The following WWTR1 variants were observed in gnomAD, a reference collection of about 807,000 sequenced individuals.
WWTR1 encodes the protein WW domain containing transcription regulator 1.
Under a neutral mutation model 40.1 loss-of-function variants are expected in WWTR1, and 13 were observed. That is an observed-to-expected ratio of 0.32 (90% CI 0.21 to 0.52). The LOEUF (loss-of-function observed/expected upper bound fraction) is 0.52, where lower values mean the gene tolerates loss of function less well. Among genes scored for constraint, WWTR1 ranks in the 20% least tolerant of loss-of-function variants. The pLI, the probability that WWTR1 is intolerant of heterozygous loss-of-function variation, is 0.97. For synonymous variants in WWTR1, 230 were observed against 210.1 expected (o/e 1.09, Z -0.82); for missense variants, 436 against 523.1 (o/e 0.83, Z 1.63).
intron 3 of WWTR1, among the ~76,000 whole-genome samples, chr3:149,556,203 C>G (rs767859006): frequency 3.9e-5 from 6 of 152,158 alleles, no homozygotes; most frequent in Non-Finnish European, 7.3e-5. Flanking sequence ...TGGGAAACTG[C>G]CAGATTATTT....
rs992218041 is a variant in WWTR1, at chr3:149,529,801, C to A, written c.772-1832G>T. On this transcript the variant is annotated intron_variant, in intron 4 of 6. Coordinates refer to ENST00000360632, the MANE Select transcript of WWTR1 (RefSeq NM_015472.6). ...CCCATCCCTCAAGCACACTCATACACCCTGAGCCACAGTTTGAAAAAATGT... is the reference window on the plus strand; with the variant it reads ...CCCATCCCTCAAGCACACTCATACAACCTGAGCCACAGTTTGAAAAAATGT... 5.9e-5 allele frequency among the ~76,000 whole-genome samples: 9 copies of A among 152,246 alleles called. 1 individual carries two copies. Among genetic ancestry groups the A allele is most frequent in the Admixed American group, 5.2e-4 (8 of 15,302 alleles).
At chr3:149,569,275 A>C (rs1737511808) in intron 3 of WWTR1, among the ~76,000 whole-genome samples, 1 of 152,248 alleles carries the variant, frequency 6.6e-6, no homozygotes, top group Non-Finnish European at 1.5e-5. Context: ...TTGTCTTAAA[A>C]TATAACATGC....
chr3:149,663,125 C>T (rs1429659094), intron 2 of WWTR1, among the ~76,000 whole-genome samples: 10 of 152,026 alleles, frequency 6.6e-5, no homozygotes, highest in Admixed American at 1.3e-4. Flanking sequence ...ATCCGCCTCC[C>T]GGGTTCAAGC....
upstream of WWTR1, chr3:149,659,331 A>ATTTTTTTTTTTTTTTTTTT (rs71138403): frequency 7.0e-4 from 74 of 106,448 alleles, 5 homozygotes; most frequent in African/African-American, 2.7e-3. Context: ...TTGTGCCTTA[A>ATTTTTTTTTTTTTTTTTTT]TTTTTTTTTT....
chr3:149,626,132 T>C (rs1740534456), intron 2 of WWTR1, among the ~76,000 whole-genome samples: 1 of 152,172 alleles, frequency 6.6e-6, no homozygotes, highest in African/African-American at 2.4e-5. Flanking sequence ...ACAGATGGCT[T>C]TCTGAATCAA....
intron 4 of WWTR1, chr3:149,723,982 G>A (rs1295019997): frequency 6.6e-6 from 1 of 152,192 alleles, no homozygotes; most frequent in Non-Finnish European, 1.5e-5. Context: ...AGCTGCTACT[G>A]TGATTACAGC....
intron 4 of WWTR1, among the ~76,000 whole-genome samples, chr3:149,533,068 T>C (rs1344964534): frequency 6.6e-6 from 1 of 152,182 alleles, no homozygotes; most frequent in Non-Finnish European, 1.5e-5. Flanking sequence ...GGCTTGTCAC[T>C]CATTTCCCAC....
chr3:149,712,032 T>C (rs575637943), intron 5 of WWTR1, among the ~76,000 whole-genome samples: 2 of 152,374 alleles, frequency 1.3e-5, no homozygotes, highest in South Asian at 2.1e-4. Flanking sequence ...GTTTCTGACA[T>C]GTAGTAAGGA....
intron 2 of WWTR1, among the ~76,000 whole-genome samples, chr3:149,600,190 C>A (rs1739181895): frequency 6.6e-6 from 1 of 152,020 alleles, no homozygotes; most frequent in Non-Finnish European, 1.5e-5. Context: ...TTCCGGACAC[C>A]AAGGGACAAC....
chr3:149,583,902 A>G (rs994113975), intron 2 of WWTR1, among the ~76,000 whole-genome samples: 2 of 152,142 alleles, frequency 1.3e-5, no homozygotes, highest in African/African-American at 4.8e-5. Context: ...AGAGCCTGAC[A>G]CTCTGTCTCA....
At chr3:149,615,104 C>G (rs1359638172) in intron 2 of WWTR1, among the ~76,000 whole-genome samples, 1 of 152,152 alleles carries the variant, frequency 6.6e-6, no homozygotes, top group Non-Finnish European at 1.5e-5. Flanking sequence ...CACCTAAGTG[C>G]TAATCTATGT....
chr3:149,621,982 C>T (rs927158472), intron 2 of WWTR1, among the ~76,000 whole-genome samples: 1 of 152,222 alleles, frequency 6.6e-6, no homozygotes, highest in African/African-American at 2.4e-5. Flanking sequence ...CTCACTCACT[C>T]ACCTTTATCT....
intron 3 of WWTR1, among the ~76,000 whole-genome samples, chr3:149,553,346 G>A (rs897184980): frequency 6.6e-6 from 1 of 152,110 alleles, no homozygotes; most frequent in East Asian, 1.9e-4. Context: ...TGGTGATGAG[G>A]CCAAGTAGTG....
At chr3:149,603,874 A>AG (rs1739370637) in intron 2 of WWTR1, among the ~76,000 whole-genome samples, 1 of 149,674 alleles carries the variant, frequency 6.7e-6, no homozygotes, top group Non-Finnish European at 1.5e-5. Context: ...AAAAAAAAAA[A>AG]GCATGTGAAG....
At chr3:149,608,538 A>G (rs934154096) in intron 2 of WWTR1, among the ~76,000 whole-genome samples, 1 of 151,984 alleles carries the variant, frequency 6.6e-6, no homozygotes. Flanking sequence ...GGCATGTGCC[A>G]CCACGCCTGG....
intron 2 of WWTR1, among the ~76,000 whole-genome samples, chr3:149,639,649 A>C (rs915974517): frequency 3.9e-5 from 6 of 152,130 alleles, no homozygotes; most frequent in Non-Finnish European, 7.4e-5. Context: ...TTATCCCATT[A>C]TCTTCCCCAC....
At chr3:149,616,977 G>A (rs1740003935) in intron 2 of WWTR1, among the ~76,000 whole-genome samples, 1 of 152,134 alleles carries the variant, frequency 6.6e-6, no homozygotes, top group South Asian at 2.1e-4. Flanking sequence ...AGTCTAATAA[G>A]GGGGTTAGTT....
At chr3:149,531,271 G>A (rs1361101806) in intron 4 of WWTR1, among the ~76,000 whole-genome samples, 2 of 152,194 alleles carry the variant, frequency 1.3e-5, no homozygotes, top group Non-Finnish European at 2.9e-5. Context: ...AGGCCAGTCT[G>A]AGTTAGAAAG....
Position 149,520,900 on chromosome 3 carries a change from C to T in WWTR1, c.1108G>A (p.Asp370Asn), listed in dbSNP as rs1312798887. 1.2e-6 allele frequency: 2 copies of T among 1,613,556 alleles called. No homozygotes were observed. The highest frequency in any genetic ancestry group is 1.1e-5 in the South Asian group (1 of 90,838). ...FLDCLPGTNVDLGTLESEDLI... is the reference protein window; with the variant it reads ...FLDCLPGTNVNLGTLESEDLI... ...TCTTCAGATTCCAAAGTTCCTAAGT[C>T]AACGTTTGTTCCTGGAAGACAGTCA... Residue 370 changes from aspartate (D) to asparagine (N), a missense_variant, in exon 7 of 7, where the codon GAC becomes AAC. Physicochemically the swap from Asp to Asn is conservative, Grantham distance 23 (BLOSUM62 1). Coordinates refer to ENST00000360632, the MANE Select transcript of WWTR1 (RefSeq NM_015472.6).
Sources: allele counts gnomAD v4.1 joint callset (sites outside exome capture counted in the v4.1 genomes callset), GRCh38; gene constraint gnomAD v4.1.1; transcripts MANE v1.5; gene names NCBI Gene and HGNC (gene_info 2026-07-23, HGNC 2026-07-21).